CHCHD6: variants seen among roughly 807,000 people sequenced by gnomAD.
CHCHD6 encodes the protein MICOS complex subunit MIC25.
In CHCHD6, 28 loss-of-function variants were observed where a neutral mutation model predicts 32.3. The observed-to-expected ratio is 0.87, with a 90% CI of 0.64 to 1.19. The LOEUF is 1.19. CHCHD6 is among the 50% of genes most tolerant of loss of function. The pLI is 0.00. For missense variants in CHCHD6, 333 were observed against 307.0 expected (o/e 1.08, Z -0.63); for synonymous variants, 122 against 117.5 (o/e 1.04, Z -0.25).
At chr3:126,940,020 A>G (rs2078536817) in intron 6 of CHCHD6, among the ~76,000 whole-genome samples, 1 of 152,218 alleles carries the variant, frequency 6.6e-6, no homozygotes, top group South Asian at 2.1e-4. Flanking sequence ...TAGTGTCCAC[A>G]CATTCTCTGA....
intron 3 of CHCHD6, among the ~76,000 whole-genome samples, chr3:126,731,909 C>T (rs1018961091): frequency 6.6e-6 from 1 of 151,788 alleles, no homozygotes; most frequent in Non-Finnish European, 1.5e-5. Context: ...GACCCTGTCT[C>T]TACAAAAAAA....
chr3:126,780,355 G>C, intron 4 of CHCHD6: 1 of 436,116 alleles, frequency 2.3e-6, no homozygotes, highest in Non-Finnish European at 4.6e-6. Flanking sequence ...ACATTGACAT[G>C]ATTCAAAAGT....
intron 6 of CHCHD6, among the ~76,000 whole-genome samples, chr3:126,920,105 T>A (rs1373125434): frequency 6.6e-6 from 1 of 152,154 alleles, no homozygotes; most frequent in Non-Finnish European, 1.5e-5. Context: ...CTTATTAGTC[T>A]TTTAGTTCAT....
At chr3:126,723,217 T>C (rs1408347946) in intron 1 of CHCHD6, among the ~76,000 whole-genome samples, 1 of 151,974 alleles carries the variant, frequency 6.6e-6, no homozygotes, top group Non-Finnish European at 1.5e-5. Flanking sequence ...ATATCTTAAA[T>C]ACTACAGGGA....
At chr3:126,842,810 CTT>C (rs63135461) in intron 4 of CHCHD6, among the ~76,000 whole-genome samples, 27 of 94,626 alleles carry the variant, frequency 2.9e-4, no homozygotes, top group African/African-American at 7.5e-4. Flanking sequence ...CACTGAAATT[CTT>C]TTTTTTTTTT....
rs148041212 is a variant in CHCHD6, at chr3:126,877,871, A to G, written c.495+25141A>G. 1.9e-3 allele frequency among the ~76,000 whole-genome samples: 293 copies of G among 152,354 alleles called. 1 individual carries two copies. The highest frequency in any genetic ancestry group is 6.5e-3 in the African/African-American group (272 of 41,582). On this transcript the variant is annotated intron_variant, in intron 5 of 7. Coordinates refer to ENST00000290913, the MANE Select transcript of CHCHD6 (RefSeq NM_032343.3). ...ATTTATTAGCACTGCCTGGGAATCTACAATTATCTCAAAATAAAATGTATA... is the reference window on the plus strand; with the variant it reads ...ATTTATTAGCACTGCCTGGGAATCTGCAATTATCTCAAAATAAAATGTATA...
intron 1 of CHCHD6, among the ~76,000 whole-genome samples, chr3:126,712,403 C>T (rs1934791319): frequency 6.6e-6 from 1 of 152,172 alleles, no homozygotes; most frequent in South Asian, 2.1e-4. Flanking sequence ...TACATTCCTC[C>T]TTTCTTGTAT....
chr3:126,704,316 G>A lies in CHCHD6; in HGVS notation c.4G>A (p.Gly2Arg). Residue 2 changes from glycine to arginine, a missense_variant, in exon 1 of 8, where the codon GGG (glycine) becomes AGG (arginine). Coordinates refer to ENST00000290913, the MANE Select transcript of CHCHD6 (RefSeq NM_032343.3). M[G>R]STESSEGRRV... ...GCCGGCCCTGCGGCATCTCGCCATG[G>A]GGAGCACGGAGAGCAGCGAGGGCCG... 6.2e-7 allele frequency: 1 copy of A among 1,604,324 alleles called. No homozygotes were observed. The highest frequency in any genetic ancestry group is 2.2e-5 in the East Asian group (1 of 44,620).
At chr3:126,913,153 A>T (rs939886326) in intron 5 of CHCHD6, among the ~76,000 whole-genome samples, 17 of 144,768 alleles carry the variant, frequency 1.2e-4, no homozygotes, top group African/African-American at 4.1e-4. Context: ...CTGAGACCTG[A>T]AGCTCCCATT....
rs140648828 is a variant in CHCHD6, at chr3:126,745,705, C to A, written c.411+12483C>A. Among the ~76,000 whole-genome samples, 221 of 152,320 alleles carry A rather than the reference C, an allele frequency of 1.5e-3. 1 individual carries two copies. The highest frequency in any genetic ancestry group is 2.1e-3 in the Non-Finnish European group (143 of 68,024). On this transcript the variant is annotated intron_variant, in intron 4 of 7. Transcript: ENST00000290913. ...TTCGGAGGCCCCTGAGTACACCCCTCCCCACCAGGTAGCCTTAATTCTAAA... is the reference window on the plus strand; with the variant it reads ...TTCGGAGGCCCCTGAGTACACCCCTACCCACCAGGTAGCCTTAATTCTAAA...
intron 4 of CHCHD6, among the ~76,000 whole-genome samples, chr3:126,812,498 A>C (rs1213940451): frequency 6.6e-6 from 1 of 151,256 alleles, no homozygotes; most frequent in East Asian, 1.9e-4. Context: ...ATCTCGGCTT[A>C]CTGCAACCTC....
In CHCHD6 at chr3:126,740,494, C is replaced by T. The variant is rs141103019; in HGVS notation, c.411+7272C>T. ...GTCATCACCTTTAGAGCACCCTTCA[C>T]ACCCCAAAGAAAATGAAAAGGCCAA... is the stretch of plus-strand genomic sequence containing the variant. On this transcript the variant is annotated intron_variant, in intron 4 of 7. Coordinates refer to ENST00000290913, the MANE Select transcript of CHCHD6 (RefSeq NM_032343.3). 2.0e-4 allele frequency among the ~76,000 whole-genome samples: 30 copies of T among 152,312 alleles called. No homozygotes were observed. In the East Asian group the frequency reaches 5.8e-3, roughly 29 times the overall value.
At chr3:126,873,168 A>G (rs1208656433) in intron 5 of CHCHD6, among the ~76,000 whole-genome samples, 1 of 152,210 alleles carries the variant, frequency 6.6e-6, no homozygotes, top group East Asian at 1.9e-4. Context: ...GAATAAGTGG[A>G]GGCCATGCGC....
chr3:126,838,298 T>G (rs1940940389), intron 4 of CHCHD6, among the ~76,000 whole-genome samples: 1 of 152,210 alleles, frequency 6.6e-6, no homozygotes, highest in Non-Finnish European at 1.5e-5. Context: ...GCATCCCTCT[T>G]CTTGGCATGT....
At chr3:126,806,829 G>A (rs1409513803) in intron 4 of CHCHD6, among the ~76,000 whole-genome samples, 12 of 151,972 alleles carry the variant, frequency 7.9e-5, no homozygotes, top group South Asian at 4.2e-4. Context: ...CTGGATTAAG[G>A]AAATGTGGCA....
At chr3:126,752,540 TA>T (rs1936770181) in intron 4 of CHCHD6, among the ~76,000 whole-genome samples, 2 of 152,342 alleles carry the variant, frequency 1.3e-5, no homozygotes, top group South Asian at 2.1e-4. Flanking sequence ...TGAGACTGAT[TA>T]AATCTAGCTG....
intron 6 of CHCHD6, among the ~76,000 whole-genome samples, chr3:126,928,832 C>A (rs1288647475): frequency 6.6e-6 from 1 of 152,194 alleles, no homozygotes; most frequent in Non-Finnish European, 1.5e-5. Flanking sequence ...GGCCCCGTAG[C>A]TGGATGGACC....
At chr3:126,921,162 G>T (rs1469603) in intron 6 of CHCHD6, among the ~76,000 whole-genome samples, 3,378 of 152,208 alleles carry the variant, frequency 0.022, 131 homozygotes, top group African/African-American at 0.077. Flanking sequence ...TGAAGGCACG[G>T]GTGACTCTCC....
intron 3 of CHCHD6, 75 bp from the exon 4 acceptor site, chr3:126,733,003 C>A: frequency 6.6e-7 from 1 of 1,526,514 alleles, no homozygotes; most frequent in Non-Finnish European, 9.0e-7. Context: ...GAAGTGAGTG[C>A]GCAGATCTTG....
Sources: gnomAD v4.1 joint callset for allele counts (sites outside exome capture counted in the v4.1 genomes callset) on GRCh38, gnomAD v4.1.1 for gene constraint, MANE v1.5 for transcripts, NCBI Gene and HGNC (gene_info 2026-07-23, HGNC 2026-07-21) for gene names.